The following KCNQ5 variants were observed in gnomAD, a reference collection of about 807,000 sequenced individuals.
KCNQ5 encodes the protein potassium voltage-gated channel subfamily KQT member 5.
KCNQ5 carries 30 observed loss-of-function variants against 98.2 expected under a neutral mutation model. That is an observed-to-expected ratio of 0.31 (90% confidence interval 0.23 to 0.41). KCNQ5 has a LOEUF of 0.41. KCNQ5 is among the 10% of genes least tolerant of loss of function. The probability of loss-of-function intolerance (pLI) is 1.00; values close to 1 mark genes in which losing one functional copy is unlikely to be tolerated. For missense variants in KCNQ5, 835 were observed against 1,182.5 expected (o/e 0.71, Z 4.31); for synonymous variants, 458 against 449.4 (o/e 1.02, Z -0.24).
At chr6:72,632,387 C>G (rs1433704102) in intron 1 of KCNQ5, among the ~76,000 whole-genome samples, 3 of 152,016 alleles carry the variant, frequency 2.0e-5, no homozygotes. Context: ...GTGATCCGCC[C>G]GCCTCAGCCT....
intron 3 of KCNQ5, among the ~76,000 whole-genome samples, chr6:73,053,806 C>A (rs1772343725): frequency 1.3e-5 from 2 of 152,016 alleles, no homozygotes; most frequent in South Asian, 4.1e-4. Flanking sequence ...GAAACAAGAG[C>A]AGATCGACCC....
intron 10 of KCNQ5, among the ~76,000 whole-genome samples, chr6:73,144,428 T>C (rs1337140451): frequency 2.0e-5 from 3 of 152,218 alleles, no homozygotes; most frequent in African/African-American, 7.2e-5. Context: ...CATTTGCACA[T>C]GAAACCCTGA....
At chr6:73,126,972 T>C (rs1299248979) in intron 9 of KCNQ5, among the ~76,000 whole-genome samples, 2 of 152,028 alleles carry the variant, frequency 1.3e-5, no homozygotes. Flanking sequence ...AATAAAAAAT[T>C]AAAAACATTG....
intron 1 of KCNQ5, among the ~76,000 whole-genome samples, chr6:72,707,240 A>G (rs571628689): frequency 6.6e-6 from 1 of 152,228 alleles, no homozygotes; most frequent in African/African-American, 2.4e-5. Context: ...TGCCTATCCT[A>G]CTAGAGACCA....
At chr6:72,936,819 G>T (rs1186298002) in intron 1 of KCNQ5, among the ~76,000 whole-genome samples, 1 of 152,110 alleles carries the variant, frequency 6.6e-6, no homozygotes, top group African/African-American at 2.4e-5. Flanking sequence ...ATTTCTCTGA[G>T]CCTTGGTTTT....
chr6:72,777,150 A>G (rs747167207), intron 1 of KCNQ5, among the ~76,000 whole-genome samples: 22 of 152,208 alleles, frequency 1.4e-4, no homozygotes, highest in Non-Finnish European at 2.5e-4. Context: ...GTGCCATTTA[A>G]TGAGCTAAGT....
intron 1 of KCNQ5, among the ~76,000 whole-genome samples, chr6:72,923,502 T>C (rs1487056938): frequency 1.3e-5 from 2 of 152,206 alleles, no homozygotes; most frequent in Non-Finnish European, 2.9e-5. Flanking sequence ...TAAGCCTTTC[T>C]TTATATACCT....
At chr6:72,685,763 A>T (rs1767917642) in intron 1 of KCNQ5, among the ~76,000 whole-genome samples, 1 of 152,246 alleles carries the variant, frequency 6.6e-6, no homozygotes, top group Non-Finnish European at 1.5e-5. Context: ...AAATGCTTAT[A>T]TGAATGTCAT....
In KCNQ5 at chr6:73,192,545, A is replaced by C. The variant is rs1765628717; in HGVS notation, c.1710-20A>C. On this transcript the variant is annotated intron_variant, in intron 12 of 13. Transcript: ENST00000370398. Reference sequence around the variant, plus strand: ...CTCCACCTTCAGCCCTCATAATCAGATCTCCTCTTTCTCTGATAGTGTTGA... The same window carrying C: ...CTCCACCTTCAGCCCTCATAATCAGCTCTCCTCTTTCTCTGATAGTGTTGA... 1.3e-6 allele frequency: 2 copies of C among 1,594,646 alleles called. No individual in the cohort carries two copies. The highest frequency in any genetic ancestry group is 1.7e-5 in the Admixed American group (1 of 57,328).
At chr6:73,144,982 C>T (rs1321727357) in intron 10 of KCNQ5, among the ~76,000 whole-genome samples, 1 of 152,236 alleles carries the variant, frequency 6.6e-6, no homozygotes, top group Non-Finnish European at 1.5e-5. Context: ...AGAGATTCCA[C>T]CTCTTCATGT....
chr6:73,041,907 T>C, intron 2 of KCNQ5, 29 bp from the exon 3 acceptor site: 1 of 1,613,444 alleles, frequency 6.2e-7, no homozygotes, highest in East Asian at 2.2e-5. Flanking sequence ...ATAATGCTTC[T>C]CTCTGATATG....
At chr6:72,807,421 A>G (rs1775011967) in intron 1 of KCNQ5, among the ~76,000 whole-genome samples, 1 of 152,216 alleles carries the variant, frequency 6.6e-6, no homozygotes, top group Non-Finnish European at 1.5e-5. Flanking sequence ...GATACATTTA[A>G]TTATCATCTA....
intron 1 of KCNQ5, among the ~76,000 whole-genome samples, chr6:72,754,390 A>ACTAAAT (rs1215758993): frequency 2.0e-5 from 3 of 152,010 alleles, no homozygotes; most frequent in Admixed American, 6.6e-5. Context: ...GTGTTTCATT[A>ACTAAAT]GATTTGATTT....
chr6:72,966,618 T>G (rs4706518), intron 1 of KCNQ5, among the ~76,000 whole-genome samples: 22,878 of 152,134 alleles, frequency 0.15, 1,891 homozygotes, highest in East Asian at 0.24. Context: ...AAGCATATTT[T>G]GAAAGGTATC....
chr6:72,659,978 G>T (rs1766425963), intron 1 of KCNQ5, among the ~76,000 whole-genome samples: 1 of 152,124 alleles, frequency 6.6e-6, no homozygotes, highest in Non-Finnish European at 1.5e-5. Context: ...TTCTGCAGTG[G>T]CTGCTTACGG....
At chr6:72,886,323 T>C (rs1778840725) in intron 1 of KCNQ5, among the ~76,000 whole-genome samples, 1 of 152,170 alleles carries the variant, frequency 6.6e-6, no homozygotes, top group African/African-American at 2.4e-5. Context: ...TATGTATGTG[T>C]GTGTGCCTGT....
chr6:73,170,406 C>T (rs1222063687), intron 11 of KCNQ5, among the ~76,000 whole-genome samples: 1 of 144,148 alleles, frequency 6.9e-6, no homozygotes, highest in African/African-American at 2.6e-5. Flanking sequence ...TTACCTTTTC[C>T]ATGACCTTTC....
intron 1 of KCNQ5, among the ~76,000 whole-genome samples, chr6:72,792,426 C>A (rs537616553): frequency 1.5e-4 from 23 of 152,292 alleles, no homozygotes; most frequent in African/African-American, 5.5e-4. Flanking sequence ...TCAATATTTT[C>A]ATAGGTCTTT....
chr6:73,158,194 G>T, intron 10 of KCNQ5: 1 of 280,468 alleles, frequency 3.6e-6, no homozygotes, highest in Non-Finnish European at 7.0e-6. Context: ...GAGCACGGCG[G>T]CGGCGCCGGC....
Sources: gnomAD v4.1 joint callset for allele counts (sites outside exome capture counted in the v4.1 genomes callset) on GRCh38, gnomAD v4.1.1 for gene constraint, MANE v1.5 for transcripts, NCBI Gene and HGNC (gene_info 2026-07-23, HGNC 2026-07-21) for gene names.